Variants in NCAM2 observed in about 807,000 individuals in gnomAD.
The protein encoded by NCAM2 is N-CAM-2.
In NCAM2, 30 loss-of-function variants were observed where a neutral mutation model predicts 98.1. The ratio of observed to expected loss-of-function variants is 0.31; its 90% CI spans 0.23 to 0.41. The LOEUF (loss-of-function observed/expected upper bound fraction) is 0.41, where lower values mean the gene tolerates loss of function less well. Among genes scored for constraint, NCAM2 ranks in the 10% least tolerant of loss-of-function variants. The pLI, the probability that NCAM2 is intolerant of heterozygous loss-of-function variation, is 1.00. For missense variants in NCAM2, 867 were observed against 1,005.8 expected, an observed-to-expected ratio of 0.86 and a Z score of 1.87; for synonymous variants, 368 against 342.4, an observed-to-expected ratio of 1.07 and a Z score of -0.83.
At chr21:21,020,063 G>A (rs1266394275) in intron 1 of NCAM2, among the ~76,000 whole-genome samples, 1 of 151,846 alleles carries the variant, frequency 6.6e-6, no homozygotes, top group African/African-American at 2.4e-5. Context: ...TTGAGATGCT[G>A]TCTCGCACTG....
intron 1 of NCAM2, among the ~76,000 whole-genome samples, chr21:21,161,038 G>A (rs190871074): frequency 1.8e-3 from 276 of 152,046 alleles, no homozygotes; most frequent in African/African-American, 6.5e-3. Flanking sequence ...GAGAACTTTG[G>A]ACTATTAATG....
intron 15 of NCAM2, among the ~76,000 whole-genome samples, chr21:21,486,532 C>T (rs1163515886): frequency 6.6e-6 from 1 of 151,938 alleles, no homozygotes; most frequent in Non-Finnish European, 1.5e-5. Flanking sequence ...TTGTAGAAGG[C>T]GTTGATAAAA....
intron 1 of NCAM2, among the ~76,000 whole-genome samples, chr21:21,108,440 T>A (rs1442529029): frequency 6.6e-6 from 1 of 152,102 alleles, no homozygotes; most frequent in Non-Finnish European, 1.5e-5. Context: ...CACACTACCA[T>A]CCAAATTACT....
intron 1 of NCAM2, among the ~76,000 whole-genome samples, chr21:21,034,846 A>G (rs1224794024): frequency 7.6e-3 from 1 of 132 alleles, no homozygotes; most frequent in Non-Finnish European, 0.014. Flanking sequence ...TGGCCTAATT[A>G]TTTGCAGAAG....
At chr21:21,453,611 T>A (rs1216879374) in intron 12 of NCAM2, among the ~76,000 whole-genome samples, 1 of 152,098 alleles carries the variant, frequency 6.6e-6, no homozygotes, top group Non-Finnish European at 1.5e-5. Context: ...GAACAACCTT[T>A]CTCAAAATCT....
chr21:21,167,021 C>G (rs1404257591), intron 1 of NCAM2, among the ~76,000 whole-genome samples: 2 of 152,274 alleles, frequency 1.3e-5, no homozygotes, highest in South Asian at 4.1e-4. Context: ...ATTGCTTTAT[C>G]TCCAAATTAT....
At chr21:21,345,155 G>A (rs963138038) in intron 8 of NCAM2, among the ~76,000 whole-genome samples, 6 of 151,964 alleles carry the variant, frequency 3.9e-5, no homozygotes, top group African/African-American at 1.5e-4. Context: ...TAAGTAGGAT[G>A]GATACAAATA....
chr21:21,490,663 T>C (rs1482260667), intron 15 of NCAM2, among the ~76,000 whole-genome samples: 1 of 151,946 alleles, frequency 6.6e-6, no homozygotes, highest in Non-Finnish European at 1.5e-5. Context: ...AACTACTGTT[T>C]TAAATAGTGT....
intron 16 of NCAM2, among the ~76,000 whole-genome samples, chr21:21,530,040 T>G (rs1031273371): frequency 2.0e-5 from 3 of 146,608 alleles, no homozygotes; most frequent in African/African-American, 7.4e-5. Context: ...TAATTTTATA[T>G]TTAATTAAAT....
chr21:21,410,735 G>A (rs940493339), intron 10 of NCAM2, among the ~76,000 whole-genome samples: 13 of 151,524 alleles, frequency 8.6e-5, no homozygotes, highest in East Asian at 2.0e-4. Flanking sequence ...ATGGCCGGGC[G>A]CAGTGGCTCA....
intron 16 of NCAM2, among the ~76,000 whole-genome samples, chr21:21,525,638 TAGAG>T (rs1375761797): frequency 1.3e-5 from 2 of 152,058 alleles, no homozygotes; most frequent in African/African-American, 2.4e-5. Context: ...AAGATAGAAA[TAGAG>T]AGAATACTTT....
chr21:21,157,771 A>G (rs1229770333), intron 1 of NCAM2, among the ~76,000 whole-genome samples: 1 of 152,108 alleles, frequency 6.6e-6, no homozygotes, highest in African/African-American at 2.4e-5. Context: ...GGTGAAGTTT[A>G]AAAGGATTCA....
At chr21:21,356,142 G>A (rs1372816149) in intron 8 of NCAM2, among the ~76,000 whole-genome samples, 1 of 152,134 alleles carries the variant, frequency 6.6e-6, no homozygotes, top group Non-Finnish European at 1.5e-5. Flanking sequence ...AAGATAGGCA[G>A]TTCCTTAAAT....
chr21:21,034,909 G>T (rs1390761910), intron 1 of NCAM2, among the ~76,000 whole-genome samples: 1 of 152,088 alleles, frequency 6.6e-6, no homozygotes, highest in Non-Finnish European at 1.5e-5. Flanking sequence ...TACCTTGCTG[G>T]AACTTTTCAT....
intron 1 of NCAM2, among the ~76,000 whole-genome samples, chr21:21,102,445 T>A (rs560334640): frequency 6.6e-6 from 1 of 152,164 alleles, no homozygotes; most frequent in East Asian, 1.9e-4. Context: ...TAGATTTTAT[T>A]AAGGTTTTGG....
intron 15 of NCAM2, among the ~76,000 whole-genome samples, chr21:21,483,532 A>C (rs1403739728): frequency 6.6e-6 from 1 of 152,110 alleles, no homozygotes; most frequent in Non-Finnish European, 1.5e-5. Context: ...ATCACTAGAT[A>C]ATTCAACATG....
intron 1 of NCAM2, among the ~76,000 whole-genome samples, chr21:21,079,903 A>G (rs182476263): frequency 2.7e-4 from 41 of 152,080 alleles, no homozygotes; most frequent in African/African-American, 9.4e-4. Context: ...AACTTTATCC[A>G]TTTTCTGTTC....
intron 1 of NCAM2, among the ~76,000 whole-genome samples, chr21:21,228,720 A>G (rs1352644267): frequency 6.6e-6 from 1 of 151,492 alleles, no homozygotes; most frequent in East Asian, 1.9e-4. Context: ...AGGAACCATC[A>G]ATATTACTTT....
chr21:21,253,158 C>T (rs1228790617), intron 1 of NCAM2, among the ~76,000 whole-genome samples: 1 of 152,150 alleles, frequency 6.6e-6, no homozygotes, highest in Non-Finnish European at 1.5e-5. Context: ...ACAACTATCA[C>T]ACTTTGCTTA....
Sources: allele counts gnomAD v4.1 joint callset (sites outside exome capture counted in the v4.1 genomes callset), GRCh38; gene constraint gnomAD v4.1.1; transcripts MANE v1.5; gene names NCBI Gene and HGNC (gene_info 2026-07-23, HGNC 2026-07-21).